XKR6: variants seen among roughly 807,000 people sequenced by gnomAD.
XKR6 encodes the protein XK related 6, also known as XK-related protein 6.
A neutral mutation model predicts 56.7 loss-of-function variants in XKR6; 22 were observed. That is an observed-to-expected ratio of 0.39 (90% CI 0.28 to 0.55). XKR6 has a LOEUF of 0.55. Among genes scored for constraint, XKR6 ranks in the 20% least tolerant of loss-of-function variants. The pLI is 0.66. For missense variants in XKR6, 852 were observed against 889.0 expected (o/e 0.96, Z 0.53); for synonymous variants, 524 against 387.8 (o/e 1.35, Z -4.13).
At chr8:11,086,579 A>G (rs1474231048) in intron 1 of XKR6, among the ~76,000 whole-genome samples, 2 of 152,224 alleles carry the variant, frequency 1.3e-5, no homozygotes, top group African/African-American at 4.8e-5. Context: ...AAAATGTCAG[A>G]TAGAATAAAA....
At chr8:11,162,516 T>A (rs927793507) in intron 1 of XKR6, among the ~76,000 whole-genome samples, 1 of 152,164 alleles carries the variant, frequency 6.6e-6, no homozygotes, top group Non-Finnish European at 1.5e-5. Context: ...AAGTACCAGG[T>A]AGTTTTGTTT....
chr8:11,199,915 A>C (rs899261073), intron 1 of XKR6, among the ~76,000 whole-genome samples: 1 of 152,076 alleles, frequency 6.6e-6, no homozygotes, highest in African/African-American at 2.4e-5. Flanking sequence ...CGCGCCCATC[A>C]CATTTTATCC....
chr8:11,129,947 C>G (rs1800019256), intron 1 of XKR6, among the ~76,000 whole-genome samples: 1 of 152,106 alleles, frequency 6.6e-6, no homozygotes, highest in South Asian at 2.1e-4. Context: ...AGGTACAAAG[C>G]TCAAGTGTCA....
At chr8:10,924,935 T>G (rs36033512) in intron 1 of XKR6, 105 bp from the exon 2 acceptor site, 206,597 of 1,213,172 alleles carry the variant, frequency 0.17, 19,216 homozygotes, top group Middle Eastern at 0.21. Flanking sequence ...TCCCCCCAAC[T>G]CCCTATGCTC....
intron 1 of XKR6, among the ~76,000 whole-genome samples, chr8:11,145,534 T>A (rs1440415420): frequency 6.6e-6 from 1 of 152,146 alleles, no homozygotes; most frequent in Non-Finnish European, 1.5e-5. Context: ...TTGCAGGATA[T>A]GCAAAGATAA....
intron 2 of XKR6, among the ~76,000 whole-genome samples, chr8:10,908,410 A>G (rs566008395): frequency 3.4e-4 from 51 of 151,926 alleles, no homozygotes; most frequent in African/African-American, 1.2e-3. Flanking sequence ...CACCCGTGGA[A>G]CCAGCCTGCT....
chr8:11,126,386 G>A (rs1357415886), intron 1 of XKR6, among the ~76,000 whole-genome samples: 1 of 151,970 alleles, frequency 6.6e-6, no homozygotes, highest in Non-Finnish European at 1.5e-5. Flanking sequence ...TTTTTTAAGT[G>A]ATAAAGTACA....
chr8:10,901,937 T>A (rs1377564467), intron 2 of XKR6, among the ~76,000 whole-genome samples: 1 of 152,184 alleles, frequency 6.6e-6, no homozygotes, highest in Non-Finnish European at 1.5e-5. Context: ...CAAATGCTCA[T>A]CAGCCACCAG....
At chr8:11,132,506 C>T (rs879561707) in intron 1 of XKR6, among the ~76,000 whole-genome samples, 6 of 151,838 alleles carry the variant, frequency 4.0e-5, no homozygotes, top group Non-Finnish European at 5.9e-5. Flanking sequence ...GGATTACAGG[C>T]GCCCACCACC....
intron 1 of XKR6, among the ~76,000 whole-genome samples, chr8:11,102,873 G>A (rs1443446091): frequency 6.6e-6 from 1 of 152,106 alleles, no homozygotes; most frequent in Non-Finnish European, 1.5e-5. Flanking sequence ...TTCCATCACT[G>A]CCTTCTTATT....
chr8:11,002,333 A>G, intron 1 of XKR6: 1 of 236,768 alleles, frequency 4.2e-6, no homozygotes, highest in Admixed American at 5.4e-5. Flanking sequence ...TAAGATGCAT[A>G]GCCTGGAAAG....
chr8:11,136,893 TTC>T (rs1414620692), intron 1 of XKR6: 1 of 152,232 alleles, frequency 6.6e-6, no homozygotes, highest in African/African-American at 2.4e-5. Context: ...GTTGCATCAT[TTC>T]TTTTTCTTTT....
chr8:11,063,444 G>C (rs894406826), intron 1 of XKR6, among the ~76,000 whole-genome samples: 1 of 150,322 alleles, frequency 6.7e-6, no homozygotes, highest in Admixed American at 6.6e-5. Context: ...GCTGCACTGA[G>C]CTACGATCTC....
At chr8:11,095,761 G>A (rs981756784) in intron 1 of XKR6, among the ~76,000 whole-genome samples, 4 of 152,218 alleles carry the variant, frequency 2.6e-5, no homozygotes, top group Admixed American at 2.0e-4. Context: ...TCTGGGATAT[G>A]ACCCAGGCAC....
chr8:11,166,097 C>A (rs1802056313), intron 1 of XKR6, among the ~76,000 whole-genome samples: 1 of 151,900 alleles, frequency 6.6e-6, no homozygotes, highest in African/African-American at 2.4e-5. Context: ...CTGGGATTTA[C>A]AGGCGCATGC....
intron 1 of XKR6, among the ~76,000 whole-genome samples, chr8:11,094,135 G>C (rs966456903): frequency 6.6e-6 from 1 of 150,482 alleles, no homozygotes; most frequent in Admixed American, 6.6e-5. Flanking sequence ...GGAGTGCCGT[G>C]GTCATATCCT....
At position 10,998,709 on chromosome 8, in the gene XKR6, G is replaced by A. The variant is rs186921126; in HGVS notation, c.765-73879C>T. ...ACACTCACTGCCTCCACTTCTCCCA[G>A]CCAGCTCCATTTCCGCTGGGCTCTC... On this transcript the variant is annotated intron_variant, in intron 1 of 2. Transcript: ENST00000416569. Among the ~76,000 whole-genome samples, 659 of 152,200 alleles carry A rather than the reference G, an allele frequency of 4.3e-3. 3 individuals are homozygous for A. The highest frequency in any genetic ancestry group is 0.015 in the African/African-American group (619 of 41,544).
intron 1 of XKR6, among the ~76,000 whole-genome samples, chr8:11,116,739 T>C (rs1430379386): frequency 2.0e-5 from 3 of 152,158 alleles, no homozygotes; most frequent in Non-Finnish European, 4.4e-5. Flanking sequence ...CGAACTCAGA[T>C]GTCCCCCTTA....
intron 1 of XKR6, among the ~76,000 whole-genome samples, chr8:11,121,590 C>A (rs1308603312): frequency 6.6e-6 from 1 of 152,224 alleles, no homozygotes; most frequent in African/African-American, 2.4e-5. Context: ...GTTGGTGGGA[C>A]TGTAAACTAG....
Sources: gnomAD v4.1 joint callset for allele counts (sites outside exome capture counted in the v4.1 genomes callset) on GRCh38, gnomAD v4.1.1 for gene constraint, MANE v1.5 for transcripts, NCBI Gene and HGNC (gene_info 2026-07-23, HGNC 2026-07-21) for gene names.